Variants in NBPF20 observed in about 807,000 individuals in gnomAD.
The protein encoded by NBPF20 is NBPF family member NBPF20.
NBPF20 carries 90 observed loss-of-function variants against 68.1 expected under a neutral mutation model. The observed-to-expected ratio is 1.32, with a 90% CI of 1.11 to 1.58. NBPF20 has a LOEUF of 1.58. Ranked by LOEUF, NBPF20 falls within the 40% of genes most tolerant of loss-of-function variation. The probability of loss-of-function intolerance (pLI) is 0.00; values close to 1 mark genes in which losing one functional copy is unlikely to be tolerated. For synonymous variants in NBPF20, 290 were observed against 228.1 expected, an observed-to-expected ratio of 1.27 and a Z score of -2.45; for missense variants, 816 against 601.2, an observed-to-expected ratio of 1.36 and a Z score of -3.74.
chr1:145,404,473 A>G (rs1553666436), intron 2 of NBPF20, among the ~76,000 whole-genome samples: 23 of 152,034 alleles, frequency 1.5e-4, no homozygotes, highest in African/African-American at 5.1e-4. Flanking sequence ...TGCCCAGGCT[A>G]GTCTCAAACT....
In NBPF20 at chr1:145,311,861, A is replaced by G. The variant is rs1337058507; in HGVS notation, c.13660+347T>C. Among the ~76,000 whole-genome samples the G allele has an allele frequency of 5.4e-5, 6 of 111,598 alleles. 2 individuals are homozygous for G. Among genetic ancestry groups the G allele is most frequent in the African/African-American group, 2.2e-4 (5 of 23,004 alleles). 73.2% of individuals were successfully genotyped at this position (111,598 alleles called of 152,430 possible). On this transcript the variant is annotated intron_variant, in intron 112 of 137. Coordinates refer to ENST00000369373, the Ensembl canonical transcript of NBPF20. ...ACTCAGATTGTTCACGGTAGCGAGG[A>G]TTTTAGATGCTGAAATTAGAGTGAA...
intron 9 of NBPF20, among the ~76,000 whole-genome samples, 175 bp from the exon 15 acceptor site, chr1:145,393,421 G>T (rs1194868147): frequency 6.7e-6 from 1 of 149,616 alleles, no homozygotes; most frequent in Non-Finnish European, 1.5e-5. Flanking sequence ...GGTAGAAAAG[G>T]ATGAAAGAGA....
chr1:145,417,621 C>CAAAAAAA, the NBPF20 span, among the ~76,000 whole-genome samples: 3 of 53,158 alleles, frequency 5.6e-5, no homozygotes, highest in East Asian at 6.7e-4. Flanking sequence ...CAACACAAAG[C>CAAAAAAA]AAAAAAAAAA....
At chr1:145,400,122 T>C (rs77003844) in intron 6 of NBPF20, among the ~76,000 whole-genome samples, 2 of 152,176 alleles carry the variant, frequency 1.3e-5, no homozygotes, top group Non-Finnish European at 2.9e-5. Flanking sequence ...TCGAAGCTAG[T>C]AGGCCTGACA....
exon 138 of NBPF20, chr1:145,291,548 A>G (rs782450769): frequency 3.1e-6 from 5 of 1,611,910 alleles, no homozygotes; most frequent in African/African-American, 1.3e-5. Context: ...TATGACTCCC[A>G]TCTGGAACAC....
chr1:145,396,794 G>C (rs1571366189), intron 7 of NBPF20, among the ~76,000 whole-genome samples: 1 of 148,016 alleles, frequency 6.8e-6, no homozygotes, highest in Non-Finnish European at 1.5e-5. Flanking sequence ...AATACTTTAA[G>C]TCTTAGGGTA....
Position 145,393,951 on chromosome 1 carries a change from G to A in NBPF20, c.992-16C>T. Reference sequence around the variant, plus strand: ...CACCGATGTCCTGCAAATAAATTCAGATGGGCCCTCTTACATTAAGCAGTT... The same window carrying A: ...CACCGATGTCCTGCAAATAAATTCAAATGGGCCCTCTTACATTAAGCAGTT... On this transcript the variant is annotated splice_polypyrimidine_tract_variant and intron_variant, in intron 8 of 137. Coordinates refer to ENST00000369373, the Ensembl canonical transcript of NBPF20. 1 of 1,285,390 alleles carries A rather than the reference G, an allele frequency of 7.8e-7. No individual in the cohort carries two copies. Among genetic ancestry groups the A allele is most frequent in the Non-Finnish European group, 1.1e-6 (1 of 894,242 alleles). The allele number at this position is 1,285,390 out of a possible 1,614,324, so 79.6% of individuals were successfully genotyped here.
exon 138 of NBPF20, chr1:145,291,693 A>T: frequency 6.2e-7 from 1 of 1,611,958 alleles, no homozygotes; most frequent in Non-Finnish European, 8.5e-7. Flanking sequence ...AAGTACATTG[A>T]CGGAGTAGAA....
chr1:145,366,484 A>C (rs1661694181), intron 43 of NBPF20, 132 bp from the exon 49 acceptor site: 1 of 249,658 alleles, frequency 4.0e-6, no homozygotes, highest in African/African-American at 6.8e-5. Flanking sequence ...GAGGTAACAA[A>C]TTATTGCCTT....
intron 13 of NBPF20, among the ~76,000 whole-genome samples, 195 bp from the exon 19 acceptor site, chr1:145,390,311 TAG>T (rs1330402728): frequency 1.8e-5 from 1 of 55,382 alleles, no homozygotes; most frequent in East Asian, 6.2e-4. Context: ...GAAAGACAGA[TAG>T]ACACACACAC....
chr1:145,407,485 C>T (rs1662849069), upstream of NBPF20, among the ~76,000 whole-genome samples: 2 of 143,372 alleles, frequency 1.4e-5, no homozygotes, highest in Admixed American at 1.4e-4. Context: ...TATATACAAA[C>T]ACATGAATAT....
chr1:145,398,150 C>T (rs1553664394), intron 7 of NBPF20, among the ~76,000 whole-genome samples: 1 of 152,016 alleles, frequency 6.6e-6, no homozygotes, highest in Non-Finnish European at 1.5e-5. Context: ...TAACACCCCA[C>T]TGTCAATATT....
intron 3 of NBPF20, 29 bp from the exon 9 acceptor site, chr1:145,402,410 G>C (rs1662566117): frequency 6.2e-6 from 10 of 1,604,648 alleles, no homozygotes; most frequent in Middle Eastern, 2.3e-4. Context: ...GAAAATTTAA[G>C]AGTGGAAAGG....
chr1:145,402,977 T>C lies in NBPF20; in HGVS notation c.278+239A>G, dbSNP rs1469224127. Among the ~76,000 whole-genome samples, 6 of 151,838 alleles carry C rather than the reference T, an allele frequency of 4.0e-5. No individual in the cohort carries two copies. The East Asian group carries it at 9.7e-4, about 24-fold the overall frequency. On this transcript the variant is annotated intron_variant, in intron 3 of 137. Transcript: ENST00000369373. ...TTGGTTAATTTTGTGTTATGTAAAT[T>C]TCACATCAACAATTACTTGTTTGAA...
chr1:145,408,908 T>A (rs1553668349), upstream of NBPF20, among the ~76,000 whole-genome samples: 2 of 151,030 alleles, frequency 1.3e-5, no homozygotes, highest in African/African-American at 4.9e-5. Flanking sequence ...GATGATGAAA[T>A]CAACTTTATA....
rs1187491424 is a variant in NBPF20 at position 145,392,764 on chromosome 1, A to C, written c.1216+310T>G. On this transcript the variant is annotated intron_variant, in intron 10 of 137. Coordinates refer to ENST00000369373, the Ensembl canonical transcript of NBPF20. ...GAAATTAGAGTGAAGGATGAAATCTACAAGATCTACAAAATTGAGACAAAA... is the reference window on the plus strand; with the variant it reads ...GAAATTAGAGTGAAGGATGAAATCTCCAAGATCTACAAAATTGAGACAAAA... 3.5e-5 allele frequency among the ~76,000 whole-genome samples: 3 copies of C among 84,594 alleles called. 1 individual carries two copies. Among genetic ancestry groups the C allele is most frequent in the African/African-American group, 2.4e-4 (3 of 12,530 alleles). The allele number at this position is 84,594 out of a possible 152,430, so 55.5% of individuals were successfully genotyped here.
intron 119 of NBPF20, among the ~76,000 whole-genome samples, chr1:145,306,304 C>A (rs1179991023): frequency 7.1e-6 from 1 of 140,064 alleles, no homozygotes; most frequent in Non-Finnish European, 1.5e-5. Flanking sequence ...CACACAGACA[C>A]ACACACACAC....
chr1:145,416,087 C>G, the NBPF20 span, among the ~76,000 whole-genome samples: 1 of 150,918 alleles, frequency 6.6e-6, no homozygotes, highest in African/African-American at 2.4e-5. Flanking sequence ...GCTGAGATGG[C>G]GCCGTTGCAT....
chr1:145,306,262 G>A (rs1480057553), intron 119 of NBPF20, among the ~76,000 whole-genome samples, 197 bp from the exon 125 acceptor site: 2 of 143,596 alleles, frequency 1.4e-5, no homozygotes. Context: ...AAGACAGATA[G>A]ACACACACAC....
Sources: allele counts gnomAD v4.1 joint callset (sites outside exome capture counted in the v4.1 genomes callset), GRCh38; gene constraint gnomAD v4.1.1; transcripts MANE v1.5; gene names NCBI Gene and HGNC (gene_info 2026-07-23, HGNC 2026-07-21).